The following NEMF variants were observed in gnomAD, a reference collection of about 807,000 sequenced individuals.
NEMF encodes ribosome quality control complex subunit NEMF.
In NEMF, 89 loss-of-function variants were observed where a neutral mutation model predicts 162.2. The ratio of observed to expected loss-of-function variants is 0.55; its 90% CI spans 0.46 to 0.65. NEMF has a LOEUF of 0.65. Ranked by LOEUF, NEMF falls within the 30% of genes least tolerant of loss-of-function variation. The probability of loss-of-function intolerance (pLI) is 0.00; values close to 1 mark genes in which losing one functional copy is unlikely to be tolerated. For missense variants in NEMF, 1,133 were observed against 1,261.9 expected, an observed-to-expected ratio of 0.90 and a Z score of 1.55; for synonymous variants, 421 against 404.5, an observed-to-expected ratio of 1.04 and a Z score of -0.49.
Position 49,782,984 on chromosome 14 carries a change from G to C in NEMF, c.*1652C>G. ...CATAAATAATGCCTATGATCACCTT[G>C]CATGGACAGCAATCCTGTAAACATC... On this transcript the variant is annotated 3_prime_UTR_variant, in exon 33 of 33. Coordinates refer to ENST00000298310, the MANE Select transcript of NEMF (RefSeq NM_004713.6). 1 of 1,601,606 alleles carries C rather than the reference G, an allele frequency of 6.2e-7. No homozygotes were observed. Among genetic ancestry groups the C allele is most frequent in the Middle Eastern group, 1.7e-4 (1 of 6,008 alleles).
chr14:49,806,096 G>C lies in NEMF; in HGVS notation c.1782C>G (p.Gly594=), dbSNP rs929213009. The C allele has an allele frequency of 6.2e-7, 1 of 1,612,278 alleles. No individual in the cohort carries two copies. The highest frequency in any genetic ancestry group is 8.5e-7 in the Non-Finnish European group (1 of 1,179,486). The change falls in exon 19 of 33, where the codon GGC becomes GGG. Residue 594 remains glycine, a synonymous_variant. Transcript: ENST00000298310. ...PIPPRTLTEA[G]TMALCYSAAW... is the part of the protein sequence containing the mutation. ...CAGCACTGTAGCAAAGTGCCATTGT[G>C]CCAGCTTCAGTCAAGGTCCGTGGGG...
intron 26 of NEMF, 89 bp from the exon 27 acceptor site, chr14:49,789,662 C>T: frequency 6.6e-7 from 1 of 1,513,556 alleles, no homozygotes; most frequent in East Asian, 2.3e-5. Flanking sequence ...ACTTTATATT[C>T]TCTGTCAAAA....
chr14:49,815,788 A>T (rs3126197), intron 16 of NEMF, among the ~76,000 whole-genome samples: 436 of 152,080 alleles, frequency 2.9e-3, no homozygotes, highest in African/African-American at 9.9e-3. Flanking sequence ...CATGGTGAAA[A>T]CCCGTCTCTA....
At position 49,805,975 on chromosome 14, in the gene NEMF, CAGTAGCTCTTAGTAAATT is replaced by C. The variant is rs1240016648; in HGVS notation, c.1857+28_1857+45del. The C allele has an allele frequency of 2.2e-6, 3 of 1,381,446 alleles. No homozygotes were observed. The African/African-American group carries it at 4.3e-5, about 20-fold the overall frequency. 85.6% of individuals were successfully genotyped at this position (1,381,446 alleles called of 1,614,324 possible). On this transcript the variant is annotated intron_variant, in intron 19 of 32. Transcript: ENST00000298310. ...TTCTATACTCTCAAAATTTGGCACA[CAGTAGCTCTTAGTAAATT>C]AAGAAAAAGGACAAGAGCCCTTATT...
intron 4 of NEMF, among the ~76,000 whole-genome samples, chr14:49,841,215 A>G (rs1355637840): frequency 6.7e-6 from 1 of 149,778 alleles, no homozygotes; most frequent in East Asian, 1.9e-4. Context: ...AAAAAAAAAA[A>G]AAGGAAATAA....
chr14:49,799,999 G>C (rs1171816267), intron 23 of NEMF, among the ~76,000 whole-genome samples: 1 of 152,146 alleles, frequency 6.6e-6, no homozygotes, highest in African/African-American at 2.4e-5. Context: ...TAAGCACAAA[G>C]TAATTTTCCC....
chr14:49,785,247 G>A lies in NEMF; in HGVS notation c.3002C>T (p.Ala1001Val), dbSNP rs941365726. The A allele has an allele frequency of 6.2e-7, 1 of 1,613,650 alleles. No homozygotes were observed. Reference sequence around the variant, plus strand: ...GTAGTTTGTCATGGTGGTGTAAGGGGCACATATTGGAATGGCAAACAGTAG... The same window carrying A: ...GTAGTTTGTCATGGTGGTGTAAGGGACACATATTGGAATGGCAAACAGTAG... ...DVLLFAIPIC[A>V]PYTTMTNYKY... Residue 1001 changes from alanine (A) to valine (V), a missense_variant, in exon 30 of 33, where the codon GCC becomes GTC. Transcript: ENST00000298310.
At chr14:49,819,288 G>A (rs919895296) in intron 16 of NEMF, among the ~76,000 whole-genome samples, 1 of 151,768 alleles carries the variant, frequency 6.6e-6, no homozygotes, top group African/African-American at 2.4e-5. Flanking sequence ...GCTCTTACCA[G>A]ACACACAAAA....
At chr14:49,814,731 T>A (rs773481678) in intron 17 of NEMF, 23 bp downstream of exon 17, 1 of 1,349,094 alleles carries the variant, frequency 7.4e-7, no homozygotes, top group Non-Finnish European at 1.0e-6. Flanking sequence ...GAGAAAATTT[T>A]TCCGAATTTT....
chr14:49,837,137 G>C (rs151216966), intron 6 of NEMF, among the ~76,000 whole-genome samples: 1 of 152,086 alleles, frequency 6.6e-6, no homozygotes, highest in African/African-American at 2.4e-5. Context: ...TTAGCTGAGC[G>C]TGGTGGCATG....
At chr14:49,802,276 A>T (rs973835754) in intron 22 of NEMF, among the ~76,000 whole-genome samples, 177 bp downstream of exon 22, 1 of 152,024 alleles carries the variant, frequency 6.6e-6, no homozygotes, top group African/African-American at 2.4e-5. Context: ...TCACTAGAAT[A>T]AGTATATTTA....
chr14:49,837,642 G>A (rs2031482402), intron 6 of NEMF, among the ~76,000 whole-genome samples: 1 of 152,068 alleles, frequency 6.6e-6, no homozygotes, highest in Admixed American at 6.6e-5. Flanking sequence ...GAGAGGAAGA[G>A]TTAACTCTCT....
intron 1 of NEMF, among the ~76,000 whole-genome samples, chr14:49,852,475 T>G (rs1893828123): frequency 6.6e-6 from 1 of 152,210 alleles, no homozygotes; most frequent in Admixed American, 6.5e-5. Context: ...GCCAGAGAGC[T>G]GGGAGGACGC....
chr14:49,832,306 C>A, intron 8 of NEMF, 29 bp from the exon 9 acceptor site: 1 of 1,405,532 alleles, frequency 7.1e-7, no homozygotes, highest in South Asian at 1.2e-5. Flanking sequence ...AAAATCATTC[C>A]TATTCATAAT....
chr14:49,820,742 C>G (rs1442003550), intron 16 of NEMF, among the ~76,000 whole-genome samples: 2 of 152,134 alleles, frequency 1.3e-5, no homozygotes, highest in African/African-American at 4.8e-5. Flanking sequence ...CTCAGCCTGC[C>G]GAGTGCCTGC....
In NEMF at chr14:49,784,603, G is replaced by C; in HGVS notation, c.*33C>G. On this transcript the variant is annotated 3_prime_UTR_variant, in exon 33 of 33. Transcript: ENST00000298310. Reference sequence around the variant, plus strand: ...GAACTTCCAAAAGGCTATAAAATTGGCTCTTCTCAAATATTTTAGAATTTC... The same window carrying C: ...GAACTTCCAAAAGGCTATAAAATTGCCTCTTCTCAAATATTTTAGAATTTC... The C allele has an allele frequency of 6.8e-7, 1 of 1,459,982 alleles. No individual in the cohort carries two copies. The highest frequency in any genetic ancestry group is 2.3e-5 in the East Asian group (1 of 44,018). 90.4% of individuals were successfully genotyped at this position (1,459,982 alleles called of 1,614,324 possible).
intron 10 of NEMF, among the ~76,000 whole-genome samples, chr14:49,831,575 C>A (rs760070689): frequency 6.6e-6 from 1 of 152,076 alleles, no homozygotes; most frequent in Non-Finnish European, 1.5e-5. Context: ...ACAGCTGGGA[C>A]TACAGGTGCA....
At chr14:49,835,675 AAATT>A (rs1366857538) in intron 6 of NEMF, among the ~76,000 whole-genome samples, 2 of 152,206 alleles carry the variant, frequency 1.3e-5, no homozygotes, top group African/African-American at 4.8e-5. Flanking sequence ...ACAATAAGGC[AAATT>A]AATTAATAGC....
chr14:49,834,274 A>G, intron 7 of NEMF, 89 bp downstream of exon 7: 2 of 829,918 alleles, frequency 2.4e-6, no homozygotes, highest in South Asian at 1.5e-5. Flanking sequence ...TTCATTCTAG[A>G]ACCACCTGCT....
Sources: gnomAD v4.1 joint callset for allele counts (sites outside exome capture counted in the v4.1 genomes callset) on GRCh38, gnomAD v4.1.1 for gene constraint, MANE v1.5 for transcripts, NCBI Gene and HGNC (gene_info 2026-07-23, HGNC 2026-07-21) for gene names.